SHLD3: variants seen among roughly 807,000 people sequenced by gnomAD.
SHLD3 encodes shieldin complex subunit 3, also known as REV7-interacting novel NHEJ regulator 1.
In SHLD3, 15 loss-of-function variants were observed where a neutral mutation model predicts 21.4. The ratio of observed to expected loss-of-function variants is 0.70; its 90% confidence interval spans 0.47 to 1.08. The LOEUF is 1.08. SHLD3 is among the 50% of genes least tolerant of loss of function. SHLD3 has a pLI of 0.00. For synonymous variants in SHLD3, 103 were observed against 97.2 expected, an observed-to-expected ratio of 1.06 and a Z score of -0.35; for missense variants, 273 against 286.1, an observed-to-expected ratio of 0.95 and a Z score of 0.33.
intron 1 of SHLD3, chr5:65,626,132 T>C (rs1446618962): frequency 6.6e-6 from 1 of 152,236 alleles, no homozygotes; most frequent in African/African-American, 2.4e-5. Context: ...TAAAATGGAT[T>C]GTTACTCGTG....
At position 65,629,678 on chromosome 5, in the gene SHLD3, C is replaced by T. The variant is rs533736405; in HGVS notation, c.91C>T (p.Pro31Ser). The T allele has an allele frequency of 1.3e-6, 2 of 1,536,052 alleles. No homozygotes were observed. The highest frequency in any genetic ancestry group is 2.0e-5 in the Admixed American group (1 of 51,004). The change falls in exon 2 of 2, where the codon CCT (proline) becomes TCT (serine). Residue 31 changes from proline (P) to serine (S), a missense_variant. By Grantham distance (74) the Pro-to-Ser change is moderately conservative. Transcript: ENST00000510585. ...KIAEKAIQDF[P>S]TRPLSRFIPW... ...TGCAGAAAAAGCAATTCAAGACTTT[C>T]CTACTCGTCCGCTATCAAGATTTAT... is the stretch of plus-strand genomic sequence containing the variant.
At position 65,627,131 on chromosome 5, in the gene SHLD3, C is replaced by CAAAAAAAAAAAAAAAAA. The variant is rs60169195; in HGVS notation, c.-121+2035_-121+2051dup. ...TGGGTGACAGAGTGAGACCCTGTCT[C>CAAAAAAAAAAAAAAAAA]AAAAAAAAAAAAAAAAAAAAAAAAA... On this transcript the variant is annotated intron_variant, in intron 1 of 1. Coordinates refer to ENST00000510585, the MANE Select transcript of SHLD3 (RefSeq NM_001365341.2). Among the ~76,000 whole-genome samples the CAAAAAAAAAAAAAAAAA allele has an allele frequency of 1.8e-3, 57 of 32,568 alleles. 3 individuals carry two copies. Among genetic ancestry groups the CAAAAAAAAAAAAAAAAA allele is most frequent in the Non-Finnish European group, 2.5e-3 (39 of 15,522 alleles). 21.4% of individuals were successfully genotyped at this position (32,568 alleles called of 152,430 possible).
intron 1 of SHLD3, among the ~76,000 whole-genome samples, chr5:65,628,037 C>A (rs2150658139): frequency 6.6e-6 from 1 of 152,214 alleles, no homozygotes; most frequent in East Asian, 1.9e-4. Context: ...TTATTTTTTT[C>A]TGCTGTTGTT....
chr5:65,626,858 C>G lies in SHLD3; in HGVS notation c.-121+1752C>G, dbSNP rs547756790. Among the ~76,000 whole-genome samples the G allele has an allele frequency of 5.4e-5, 8 of 148,462 alleles. No homozygotes were observed. The South Asian group carries it at 1.7e-3, about 32-fold the overall frequency. On this transcript the variant is annotated intron_variant, in intron 1 of 1. Transcript: ENST00000510585. ...TACCTAAGAAAGAATATTTAAGCAG[C>G]CTAAGCCAGGCGTGGTGGCTCACGC...
chr5:65,628,106 A>G (rs1755334904), intron 1 of SHLD3, among the ~76,000 whole-genome samples: 1 of 152,196 alleles, frequency 6.6e-6, no homozygotes, highest in South Asian at 2.1e-4. Context: ...TAGCAAGCCT[A>G]ACTTGCAGAT....
rs1031038287 is a variant in SHLD3 at position 65,625,084 on chromosome 5, G to A, written c.-143G>A. 2 of 1,613,718 alleles carry A rather than the reference G, an allele frequency of 1.2e-6. No individual in the cohort carries two copies. Among genetic ancestry groups the A allele is most frequent in the Non-Finnish European group, 1.7e-6 (2 of 1,179,776 alleles). On this transcript the variant is annotated 5_prime_UTR_variant, in exon 1 of 2. Coordinates refer to ENST00000510585, the MANE Select transcript of SHLD3 (RefSeq NM_001365341.2). ...AAATGGAAGTGAATCCCCCTAAACAGGAGCACCTGCTGGCGCTAAAAGGTA... is the reference window on the plus strand; with the variant it reads ...AAATGGAAGTGAATCCCCCTAAACAAGAGCACCTGCTGGCGCTAAAAGGTA...
At chr5:65,628,863 G>A (rs1363507630) in intron 1 of SHLD3, among the ~76,000 whole-genome samples, 6 of 149,158 alleles carry the variant, frequency 4.0e-5, no homozygotes, top group Non-Finnish European at 7.4e-5. Context: ...TTGCTCTATC[G>A]CCCAGGCTGA....
At chr5:65,627,762 G>T (rs899312467) in intron 1 of SHLD3, among the ~76,000 whole-genome samples, 8 of 152,262 alleles carry the variant, frequency 5.3e-5, no homozygotes, top group African/African-American at 1.4e-4. Flanking sequence ...ATTAGTTCTT[G>T]AAAGTATATA....
Position 65,625,126 on chromosome 5 carries a change from A to G in SHLD3, c.-121+20A>G. 2 of 1,606,580 alleles carry G rather than the reference A, an allele frequency of 1.2e-6. No individual in the cohort carries two copies. The highest frequency in any genetic ancestry group is 1.7e-6 in the Non-Finnish European group (2 of 1,173,162). The stretch of plus-strand genomic sequence containing the variant: ...TAAAAGGTAAACTTTTGCGAACCTG[A>G]TTCCCCCTTTTCTGTTTCCTTGCAT... On this transcript the variant is annotated intron_variant, in intron 1 of 1. Coordinates refer to ENST00000510585, the MANE Select transcript of SHLD3 (RefSeq NM_001365341.2).
chr5:65,625,053 C>A lies in SHLD3; in HGVS notation c.-174C>A. 2 of 1,613,232 alleles carry A rather than the reference C, an allele frequency of 1.2e-6. No homozygotes were observed. The highest frequency in any genetic ancestry group is 1.7e-6 in the Non-Finnish European group (2 of 1,179,298). On this transcript the variant is annotated 5_prime_UTR_variant, in exon 1 of 2. Transcript: ENST00000510585. ...CCCGTAGGCTGTGGGTCAAAAGTGC[C>A]GGTCAAAATGGAAGTGAATCCCCCT... is the stretch of plus-strand genomic sequence containing the variant.
At chr5:65,627,757 T>G (rs1449596723) in intron 1 of SHLD3, among the ~76,000 whole-genome samples, 1 of 152,204 alleles carries the variant, frequency 6.6e-6, no homozygotes, top group Non-Finnish European at 1.5e-5. Context: ...GCATCATTAG[T>G]TCTTGAAAGT....
In SHLD3 at chr5:65,630,387, TGGA is replaced by T. The variant is rs1363101721; in HGVS notation, c.*48_*50del. 3.5e-6 allele frequency: 5 copies of T among 1,428,590 alleles called. No homozygotes were observed. The highest frequency in any genetic ancestry group is 4.6e-6 in the Non-Finnish European group (5 of 1,096,490). 88.5% of individuals were successfully genotyped at this position (1,428,590 alleles called of 1,614,324 possible). On this transcript the variant is annotated 3_prime_UTR_variant, in exon 2 of 2. Coordinates refer to ENST00000510585, the MANE Select transcript of SHLD3 (RefSeq NM_001365341.2). ...AAGAATATTCTGAATGAAATGAATATGGATTGAAATAGATAAAATAATTTTTAC... is the reference window on the plus strand; with the variant it reads ...AAGAATATTCTGAATGAAATGAATATTTGAAATAGATAAAATAATTTTTAC...
At position 65,629,967 on chromosome 5, in the gene SHLD3, A is replaced by G. The variant is rs908665200; in HGVS notation, c.380A>G (p.His127Arg). ...LGKQSEKGKQHKRRSWSISLP... is the reference protein window; with the variant it reads ...LGKQSEKGKQRKRRSWSISLP... ...AAACAATCAGAAAAGGGAAAACAGCACAAGAGGAGATCTTGGAGTATTTCC... is the reference window on the plus strand; with the variant it reads ...AAACAATCAGAAAAGGGAAAACAGCGCAAGAGGAGATCTTGGAGTATTTCC... The change falls in exon 2 of 2, where the codon CAC becomes CGC. Residue 127 changes from histidine to arginine, a missense_variant. By Grantham distance (29) the His-to-Arg change is conservative (BLOSUM62 0). Transcript: ENST00000510585. 2.0e-6 allele frequency: 3 copies of G among 1,535,956 alleles called. No homozygotes were observed. The highest frequency in any genetic ancestry group is 2.7e-5 in the African/African-American group (2 of 73,048).
chr5:65,629,776 G>A lies in SHLD3; in HGVS notation c.189G>A (p.Glu63=), dbSNP rs965500494. ...GATCACCACCTGTGATTTCTGAAGA[G>A]GCAGCTGAAGATGTGAAACAGTACT... ...PKRSPPVISE[E]AAEDVKQYLT... The change falls in exon 2 of 2, where the codon GAG becomes GAA. Residue 63 remains glutamate (E), a synonymous_variant. Transcript: ENST00000510585. The A allele has an allele frequency of 4.6e-6, 7 of 1,535,986 alleles. No homozygotes were observed. In the African/African-American group the frequency reaches 8.2e-5, roughly 18 times the overall value.
Position 65,630,104 on chromosome 5 carries a change from C to G in SHLD3, c.517C>G (p.His173Asp). The change falls in exon 2 of 2, where the codon CAC (histidine) becomes GAC (aspartate). Residue 173 changes from histidine to aspartate, a missense_variant. By Grantham distance (81) the His-to-Asp change is moderately conservative. Transcript: ENST00000510585. Reference protein sequence around the residue: ...SLYRARWTIEHTICNSQTLED... With the variant: ...SLYRARWTIEDTICNSQTLED... ...TTATAGAGCAAGATGGACAATAGAA[C>G]ACACTATTTGTAACAGCCAAACTCT... 6.5e-7 allele frequency: 1 copy of G among 1,536,002 alleles called. No individual in the cohort carries two copies.
intron 1 of SHLD3, among the ~76,000 whole-genome samples, chr5:65,628,984 AT>A (rs1431042088): frequency 6.6e-6 from 1 of 150,982 alleles, no homozygotes; most frequent in Admixed American, 6.6e-5. Context: ...CACCCAGCTA[AT>A]TTTTTTTTGT....
chr5:65,630,352 G>C lies in SHLD3; in HGVS notation c.*12G>C. On this transcript the variant is annotated 3_prime_UTR_variant, in exon 2 of 2. Coordinates refer to ENST00000510585, the MANE Select transcript of SHLD3 (RefSeq NM_001365341.2). Reference sequence around the variant, plus strand: ...TTTTTAGTATGTAATGAATTCCACTGATTGTCAAAAAGAATATTCTGAATG... The same window carrying C: ...TTTTTAGTATGTAATGAATTCCACTCATTGTCAAAAAGAATATTCTGAATG... 3 of 1,473,268 alleles carry C rather than the reference G, an allele frequency of 2.0e-6. No individual in the cohort carries two copies. The highest frequency in any genetic ancestry group is 1.3e-5 in the South Asian group (1 of 74,354). The allele number at this position is 1,473,268 out of a possible 1,614,324, so 91.3% of individuals were successfully genotyped here. A position where few individuals can be genotyped will look rare whatever the true frequency, so the allele number is the denominator to read the frequency against.
At chr5:65,626,653 G>A (rs1581202075) in intron 1 of SHLD3, among the ~76,000 whole-genome samples, 2 of 151,386 alleles carry the variant, frequency 1.3e-5, no homozygotes, top group Admixed American at 6.6e-5. Context: ...GGAGAATGGC[G>A]TGAACCCGGG....
Position 65,629,461 on chromosome 5 carries a change from A to G in SHLD3, c.-120-7A>G, listed in dbSNP as rs1280095386. 1.1e-5 allele frequency: 16 copies of G among 1,419,980 alleles called. No homozygotes were observed. In the South Asian group the frequency reaches 2.4e-4, roughly 21 times the overall value. 88.0% of individuals were successfully genotyped at this position (1,419,980 alleles called of 1,614,324 possible). On this transcript the variant is annotated splice_region_variant and splice_polypyrimidine_tract_variant and intron_variant, in intron 1 of 1. Transcript: ENST00000510585. ...ATATCTTATTCTTTGCAATACTTCT[A>G]CTTTAGGTCCTGTTTCCCTCTGATT...
Sources: gnomAD v4.1 joint callset for allele counts (sites outside exome capture counted in the v4.1 genomes callset) on GRCh38, gnomAD v4.1.1 for gene constraint, MANE v1.5 for transcripts, NCBI Gene and HGNC (gene_info 2026-07-23, HGNC 2026-07-21) for gene names.